The following FGFR3 variants were observed in gnomAD, a reference collection of about 807,000 sequenced individuals.
FGFR3 encodes fibroblast growth factor receptor 3.
Under a neutral mutation model 82.9 loss-of-function variants are expected in FGFR3, and 25 were observed. That is an observed-to-expected ratio of 0.30 (90% CI 0.22 to 0.42). The LOEUF (loss-of-function observed/expected upper bound fraction) is 0.42, where lower values mean the gene tolerates loss of function less well. FGFR3 is among the 10% of genes least tolerant of loss of function. The pLI, the probability that FGFR3 is intolerant of heterozygous loss-of-function variation, is 1.00. For synonymous variants in FGFR3, 620 were observed against 516.0 expected (o/e 1.20, Z -2.73); for missense variants, 1,026 against 1,161.0 (o/e 0.88, Z 1.69).
At chr4:1,800,212 C>T (rs1372302218) in intron 4 of FGFR3, among the ~76,000 whole-genome samples, 4 of 145,124 alleles carry the variant, frequency 2.8e-5, no homozygotes, top group East Asian at 2.3e-4. Context: ...GTGAGGGCGC[C>T]GGGGCACCTG....
chr4:1,806,042 C>G lies in FGFR3; in HGVS notation c.1837-9C>G, dbSNP rs1037883731. 1 of 1,613,320 alleles carries G rather than the reference C, an allele frequency of 6.2e-7. No individual in the cohort carries two copies. The highest frequency in any genetic ancestry group is 1.1e-5 in the South Asian group (1 of 91,090). ...GAGGCTTCAGCCCTGCCTCCCACCC[C>G]TTCCCCAGTGCATCCACAGGGACCT... On this transcript the variant is annotated splice_polypyrimidine_tract_variant and intron_variant, in intron 13 of 17. Coordinates refer to ENST00000440486, the MANE Select transcript of FGFR3 (RefSeq NM_000142.5).
At chr4:1,806,494 A>G (rs2108810788) in intron 15 of FGFR3, 52 bp from the exon 16 acceptor site, 2 of 1,612,498 alleles carry the variant, frequency 1.2e-6, no homozygotes, top group Non-Finnish European at 1.7e-6. Flanking sequence ...GTGCCCGCCC[A>G]GGTGTCTGTC....
At chr4:1,804,570 C>T (rs775385222) in intron 9 of FGFR3, 50 bp downstream of exon 9, 1 of 1,601,248 alleles carries the variant, frequency 6.2e-7, no homozygotes, top group African/African-American at 1.3e-5. Context: ...GCCAGGCCTC[C>T]TGGAGCCCCA....
chr4:1,796,640 C>G (rs1011935718), intron 2 of FGFR3, among the ~76,000 whole-genome samples: 2 of 152,186 alleles, frequency 1.3e-5, no homozygotes, highest in Non-Finnish European at 2.9e-5. Flanking sequence ...CTCCCCCATC[C>G]TCTCAGCCAT....
Position 1,806,619 on chromosome 4 carries a change from G to A in FGFR3, c.2104G>A (p.Glu702Lys), listed in dbSNP as rs1325547001. 7 of 1,613,172 alleles carry A rather than the reference G, an allele frequency of 4.3e-6. No homozygotes were observed. The highest frequency in any genetic ancestry group is 5.9e-6 in the Non-Finnish European group (7 of 1,179,942). The change falls in exon 16 of 18, where the codon GAG becomes AAG. Residue 702 changes from glutamate to lysine, a missense_variant. Glu to Lys is a moderately conservative substitution (Grantham distance 56). Coordinates refer to ENST00000440486, the MANE Select transcript of FGFR3 (RefSeq NM_000142.5). ...CCCGTACCCCGGCATCCCTGTGGAG[G>A]AGCTCTTCAAGCTGCTGAAGGAGGG... Reference protein sequence around the residue: ...GSPYPGIPVEELFKLLKEGHR... With the variant: ...GSPYPGIPVEKLFKLLKEGHR...
chr4:1,799,357 C>T lies in FGFR3; in HGVS notation c.213C>T (p.Pro71=), dbSNP rs777597739. ...CPPPGGGPMG[P]TVWVKDGTGL... The stretch of plus-strand genomic sequence containing the variant: ...CGCCCGGGGGTGGTCCCATGGGGCC[C>T]ACTGTCTGGGTCAAGGATGGCACAG... The change falls in exon 3 of 18, where the codon CCC becomes CCT. Residue 71 remains proline (P), a synonymous_variant. Transcript: ENST00000440486. 1.2e-6 allele frequency: 2 copies of T among 1,612,456 alleles called. No homozygotes were observed. Among genetic ancestry groups the T allele is most frequent in the African/African-American group, 1.3e-5 (1 of 74,930 alleles).
intron 8 of FGFR3, 59 bp from the exon 9 acceptor site, chr4:1,804,271 C>T (rs1721573864): frequency 2.0e-6 from 3 of 1,534,902 alleles, no homozygotes; most frequent in South Asian, 2.5e-5. Context: ...CCAGGGGCAT[C>T]CATGGGAGCC....
Position 1,807,414 on chromosome 4 carries a change from TG to T in FGFR3, c.*153del. The T allele has an allele frequency of 1.7e-6, 2 of 1,165,604 alleles. No individual in the cohort carries two copies. The highest frequency in any genetic ancestry group is 2.5e-6 in the Non-Finnish European group (2 of 810,096). The allele number at this position is 1,165,604 out of a possible 1,614,324, so 72.2% of individuals were successfully genotyped here. On this transcript the variant is annotated 3_prime_UTR_variant, in exon 18 of 18. Coordinates refer to ENST00000440486, the MANE Select transcript of FGFR3 (RefSeq NM_000142.5). ...GTGTGTGTGTGCGTGTGTGTGTGTG[TG>T]TGTGCACATCCGCGTGTGCCTGTGT...
At chr4:1,797,563 C>A (rs760177848) in intron 2 of FGFR3, among the ~76,000 whole-genome samples, 2 of 152,244 alleles carry the variant, frequency 1.3e-5, no homozygotes, top group African/African-American at 2.4e-5. Context: ...CGGAACCAAC[C>A]GGCTGTTGCC....
At chr4:1,803,010 T>G (rs1168837547) in intron 7 of FGFR3, 1 of 1,602,460 alleles carries the variant, frequency 6.2e-7, no homozygotes, top group East Asian at 2.3e-5. Context: ...AGCCACCAAT[T>G]TCATAGGCGT....
chr4:1,802,775 C>T (rs1311630912), intron 7 of FGFR3: 18 of 1,127,716 alleles, frequency 1.6e-5, no homozygotes, highest in Non-Finnish European at 2.0e-5. Context: ...CGTGAAGTGC[C>T]TCCACGCCTC....
intron 4 of FGFR3, among the ~76,000 whole-genome samples, chr4:1,800,763 C>T (rs868530444): frequency 3.9e-5 from 6 of 152,258 alleles, no homozygotes; most frequent in South Asian, 2.1e-4. Flanking sequence ...GAAGGCAGCA[C>T]CAGCCCTGAG....
At chr4:1,801,585 C>T (rs765521099) in intron 5 of FGFR3, 35 bp from the exon 6 acceptor site, 3 of 1,589,376 alleles carry the variant, frequency 1.9e-6, no homozygotes, top group African/African-American at 2.7e-5. Flanking sequence ...GTGGTTGCTG[C>T]CTCCGCTCAC....
chr4:1,795,693 A>G (rs1391661284), intron 2 of FGFR3, among the ~76,000 whole-genome samples: 1 of 152,028 alleles, frequency 6.6e-6, no homozygotes, highest in Non-Finnish European at 1.5e-5. Context: ...GACAGCCCCC[A>G]TCTCCCCAGG....
In FGFR3 at chr4:1,798,316, AG is replaced by A. The variant is rs201647204; in HGVS notation, c.110-933del. Among the ~76,000 whole-genome samples the A allele has an allele frequency of 6.0e-3, 905 of 151,614 alleles. 13 individuals are homozygous for A. The highest frequency in any genetic ancestry group is 0.02 in the African/African-American group (824 of 41,292). ...GCCCCCAGCCTGGTCGTCCTCTGTG[AG>A]GGGGCCCCAGTCCCCCTGCAGGCAG... On this transcript the variant is annotated intron_variant, in intron 2 of 17. Coordinates refer to ENST00000440486, the MANE Select transcript of FGFR3 (RefSeq NM_000142.5).
chr4:1,806,725 G>A (rs1721970000), intron 16 of FGFR3, 42 bp downstream of exon 16: 1 of 1,609,330 alleles, frequency 6.2e-7, no homozygotes, highest in Admixed American at 1.7e-5. Flanking sequence ...CTCAGGGGTG[G>A]GGGTCCCTCC....
Position 1,799,151 on chromosome 4 carries a change from C to T in FGFR3, c.110-103C>T, listed in dbSNP as rs1720881088. On this transcript the variant is annotated intron_variant, in intron 2 of 17. Transcript: ENST00000440486. ...GTCTGGTGGGACCCTGGATCTGGGT[C>T]AGAGCCTTCCTCACTCAGGGCCGCC... is the stretch of plus-strand genomic sequence containing the variant. The T allele has an allele frequency of 3.3e-6, 5 of 1,528,960 alleles. 1 individual carries two copies. The South Asian group carries it at 5.6e-5, about 17-fold the overall frequency. The allele number at this position is 1,528,960 out of a possible 1,614,324, so 94.7% of individuals were successfully genotyped here.
chr4:1,805,166 G>A (rs559769964), intron 10 of FGFR3, among the ~76,000 whole-genome samples, 189 bp from the exon 11 acceptor site: 1 of 152,382 alleles, frequency 6.6e-6, no homozygotes, highest in African/African-American at 2.4e-5. Context: ...CTGTCTGGAG[G>A]GGCAGCAAGG....
intron 4 of FGFR3, among the ~76,000 whole-genome samples, chr4:1,800,199 G>A (rs962675103): frequency 3.3e-5 from 5 of 151,988 alleles, no homozygotes; most frequent in East Asian, 3.9e-4. Flanking sequence ...GGATGGACCC[G>A]GGGTGAGGGC....
Sources: allele counts gnomAD v4.1 joint callset (sites outside exome capture counted in the v4.1 genomes callset), GRCh38; gene constraint gnomAD v4.1.1; transcripts MANE v1.5; gene names NCBI Gene and HGNC (gene_info 2026-07-23, HGNC 2026-07-21).